COL21A1: variants seen among roughly 807,000 people sequenced by gnomAD.
COL21A1 encodes the protein collagen alpha-1(XXI) chain.
Under a neutral mutation model 137.9 loss-of-function variants are expected in COL21A1, and 149 were observed. That is an observed-to-expected ratio of 1.08 (90% CI 0.95 to 1.24). The LOEUF is 1.24. Among genes scored for constraint, COL21A1 ranks in the 50% most tolerant of loss-of-function variants. The probability of loss-of-function intolerance (pLI) is 0.00; values close to 1 mark genes in which losing one functional copy is unlikely to be tolerated. For missense variants in COL21A1, 1,167 were observed against 1,158.4 expected (o/e 1.01, Z -0.11); for synonymous variants, 456 against 391.5 (o/e 1.16, Z -1.95).
At chr6:56,067,263 C>G (rs1176457422) in intron 23 of COL21A1, 32 bp downstream of exon 23, 3 of 1,568,630 alleles carry the variant, frequency 1.9e-6, no homozygotes, top group African/African-American at 1.4e-5. Flanking sequence ...GATTTTATTG[C>G]TCAGCCTACT....
At chr6:56,069,789 A>C (rs1433955546) in intron 21 of COL21A1, among the ~76,000 whole-genome samples, 1 of 151,052 alleles carries the variant, frequency 6.6e-6, no homozygotes, top group Non-Finnish European at 1.5e-5. Context: ...ATTTAATAAA[A>C]TTCTTATTGT....
At chr6:56,213,972 T>C (rs1162984557) in intron 1 of COL21A1, among the ~76,000 whole-genome samples, 2 of 151,902 alleles carry the variant, frequency 1.3e-5, no homozygotes, top group Admixed American at 6.6e-5. Context: ...AAAACAAAAA[T>C]AACAAAAACA....
chr6:56,161,169 T>TAAC (rs1776171370), intron 9 of COL21A1, among the ~76,000 whole-genome samples: 1 of 152,192 alleles, frequency 6.6e-6, no homozygotes, highest in Non-Finnish European at 1.5e-5. Flanking sequence ...TACTAGGGTG[T>TAAC]AACAAAGGCT....
chr6:56,227,214 G>A (rs1246307182), intron 1 of COL21A1, among the ~76,000 whole-genome samples: 2 of 152,008 alleles, frequency 1.3e-5, no homozygotes, highest in Non-Finnish European at 1.5e-5. Flanking sequence ...TATGATCTAT[G>A]CTGTATAATA....
chr6:56,175,184 A>C (rs950833788), intron 3 of COL21A1, among the ~76,000 whole-genome samples: 1 of 152,144 alleles, frequency 6.6e-6, no homozygotes, highest in Admixed American at 6.5e-5. Flanking sequence ...CACAGCTAAC[A>C]TCACACTCAA....
chr6:56,136,261 TG>T (rs911523107), intron 12 of COL21A1, among the ~76,000 whole-genome samples: 32 of 152,208 alleles, frequency 2.1e-4, no homozygotes, highest in African/African-American at 7.5e-4. Flanking sequence ...AATAAACCTT[TG>T]ATTTAAGCCA....
intron 1 of COL21A1, among the ~76,000 whole-genome samples, chr6:56,213,232 T>C (rs1237683363): frequency 6.6e-6 from 1 of 152,154 alleles, no homozygotes; most frequent in African/African-American, 2.4e-5. Flanking sequence ...ACATTTTATT[T>C]CAATAGATAA....
intron 1 of COL21A1, among the ~76,000 whole-genome samples, chr6:56,272,228 G>A (rs1438001826): frequency 1.3e-5 from 2 of 152,238 alleles, no homozygotes; most frequent in African/African-American, 4.8e-5. Flanking sequence ...GGTCTTGGGA[G>A]CTCATCCCTT....
chr6:56,243,012 T>A (rs1245640506), intron 1 of COL21A1, among the ~76,000 whole-genome samples: 2 of 152,170 alleles, frequency 1.3e-5, no homozygotes, highest in African/African-American at 4.8e-5. Context: ...TATGAATTGT[T>A]ATCCAGTGCC....
chr6:56,089,654 G>GT (rs1768605562), intron 17 of COL21A1, among the ~76,000 whole-genome samples: 1 of 152,096 alleles, frequency 6.6e-6, no homozygotes, highest in Non-Finnish European at 1.5e-5. Flanking sequence ...TGTATACATG[G>GT]TAAGTTTCCT....
At chr6:56,088,174 G>C (rs779588318) in intron 17 of COL21A1, among the ~76,000 whole-genome samples, 6 of 152,082 alleles carry the variant, frequency 3.9e-5, no homozygotes, top group Non-Finnish European at 7.4e-5. Flanking sequence ...GACCAGCCTG[G>C]CCAACATGGT....
At chr6:56,324,868 G>C (rs754856048) in intron 1 of COL21A1, among the ~76,000 whole-genome samples, 6 of 151,838 alleles carry the variant, frequency 4.0e-5, no homozygotes, top group African/African-American at 1.5e-4. Context: ...GTAAACCTAG[G>C]AAGGATTTTC....
intron 1 of COL21A1, among the ~76,000 whole-genome samples, chr6:56,232,844 C>A (rs1781659089): frequency 1.3e-5 from 2 of 151,856 alleles, no homozygotes; most frequent in African/African-American, 4.8e-5. Context: ...ACTCTTGTTC[C>A]TTTCTATAAT....
In COL21A1 at chr6:56,142,037, G is replaced by A. The variant is rs1467444243; in HGVS notation, c.1435-54C>T. On this transcript the variant is annotated intron_variant, in intron 10 of 29. Coordinates refer to ENST00000244728, the MANE Select transcript of COL21A1 (RefSeq NM_030820.4). Reference sequence around the variant, plus strand: ...TAATATTTCATCATATTTACCAAGAGAAGTTCTTCGTTTCAGAATTCACTC... The same window carrying A: ...TAATATTTCATCATATTTACCAAGAAAAGTTCTTCGTTTCAGAATTCACTC... 4 of 1,313,446 alleles carry A rather than the reference G, an allele frequency of 3.0e-6. No individual in the cohort carries two copies. The East Asian group carries it at 1.0e-4, about 33-fold the overall frequency. The allele number at this position is 1,313,446 out of a possible 1,614,324, so 81.4% of individuals were successfully genotyped here. A position where few individuals can be genotyped will look rare whatever the true frequency, so the allele number is the denominator to read the frequency against.
intron 21 of COL21A1, among the ~76,000 whole-genome samples, chr6:56,069,952 T>C (rs992282145): frequency 7.3e-5 from 11 of 151,502 alleles, no homozygotes; most frequent in Non-Finnish European, 1.5e-4. Context: ...CAGTACAGGG[T>C]GTATTACATG....
chr6:56,312,463 G>A (rs1438796925), intron 1 of COL21A1, among the ~76,000 whole-genome samples: 1 of 152,180 alleles, frequency 6.6e-6, no homozygotes, highest in Non-Finnish European at 1.5e-5. Context: ...CTGAGTCAGG[G>A]AATGATGAGG....
chr6:56,173,270 C>T (rs1286309862), intron 3 of COL21A1, among the ~76,000 whole-genome samples: 1 of 151,902 alleles, frequency 6.6e-6, no homozygotes, highest in African/African-American at 2.4e-5. Flanking sequence ...CTCAGCTACT[C>T]AGGAGGCTGA....
chr6:56,243,608 T>C (rs527574045), intron 1 of COL21A1, among the ~76,000 whole-genome samples: 6 of 152,336 alleles, frequency 3.9e-5, no homozygotes, highest in African/African-American at 1.4e-4. Context: ...AAGCACTTAC[T>C]ATGAGCCAGG....
At chr6:56,185,148 T>A (rs1027290383) in intron 1 of COL21A1, among the ~76,000 whole-genome samples, 7 of 151,134 alleles carry the variant, frequency 4.6e-5, no homozygotes, top group Admixed American at 4.6e-4. Context: ...GCTTCCACCT[T>A]AAGAAGCTAG....
Sources: gnomAD v4.1 joint callset for allele counts (sites outside exome capture counted in the v4.1 genomes callset) on GRCh38, gnomAD v4.1.1 for gene constraint, MANE v1.5 for transcripts, NCBI Gene and HGNC (gene_info 2026-07-23, HGNC 2026-07-21) for gene names.